CAPN5: variants seen among roughly 807,000 people sequenced by gnomAD.
CAPN5 encodes the protein calpain-5.
Under a neutral mutation model 73.0 loss-of-function variants are expected in CAPN5, and 54 were observed. That is an observed-to-expected ratio of 0.74 (90% CI 0.59 to 0.93). CAPN5 has a LOEUF of 0.93. Among genes scored for constraint, CAPN5 ranks in the 40% least tolerant of loss-of-function variants. The pLI is 0.00. For synonymous variants in CAPN5, 335 were observed against 356.9 expected, an observed-to-expected ratio of 0.94 and a Z score of 0.69; for missense variants, 785 against 882.9, an observed-to-expected ratio of 0.89 and a Z score of 1.41.
intron 3 of CAPN5, among the ~76,000 whole-genome samples, chr11:77,108,325 G>T (rs1335078071): frequency 6.6e-6 from 1 of 152,134 alleles, no homozygotes; most frequent in Non-Finnish European, 1.5e-5. Flanking sequence ...CCTGACTGTT[G>T]GGGGGGTGCT....
Position 77,093,816 on chromosome 11 carries a change from G to C in CAPN5, c.297+3G>C, listed in dbSNP as rs782631237. ...CCCGGGAGTCGCTGTGGCAAAAGGT[G>C]AGGCCTCGGGCAGAGTGGGCAGGGT... is the stretch of plus-strand genomic sequence containing the variant. On this transcript the variant is annotated splice_donor_region_variant and intron_variant, in intron 3 of 12. Transcript: ENST00000648180. 1 of 1,608,900 alleles carries C rather than the reference G, an allele frequency of 6.2e-7. No homozygotes were observed. The highest frequency in any genetic ancestry group is 1.3e-5 in the African/African-American group (1 of 74,942).
chr11:77,070,580 C>T lies in CAPN5; in HGVS notation c.-36+3486C>T, dbSNP rs567228689. On this transcript the variant is annotated intron_variant, in intron 1 of 12. Coordinates refer to ENST00000648180, the MANE Select transcript of CAPN5 (RefSeq NM_004055.5). The stretch of plus-strand genomic sequence containing the variant: ...CCGGGCAGGAGAGGCGGGTGGGACC[C>T]CATGACACCCCGGCTCCCATTAGCT... 2.6e-5 allele frequency among the ~76,000 whole-genome samples: 4 copies of T among 152,336 alleles called. No homozygotes were observed. The South Asian group carries it at 8.3e-4, about 32-fold the overall frequency.
rs575865829 is a variant in CAPN5, at chr11:77,084,588, C to T, written c.-35-264C>T. Among the ~76,000 whole-genome samples the T allele has an allele frequency of 6.6e-5, 10 of 152,186 alleles. No homozygotes were observed. In the East Asian group the frequency reaches 9.7e-4, roughly 15 times the overall value. On this transcript the variant is annotated intron_variant, in intron 1 of 12. Coordinates refer to ENST00000648180, the MANE Select transcript of CAPN5 (RefSeq NM_004055.5). ...ACAAAGGAAGGCAGGGAGGTAGGTG[C>T]GGTGTGGGCCAGGCCTGAGCTCTGT...
chr11:77,102,135 G>A (rs1185522855), intron 3 of CAPN5, among the ~76,000 whole-genome samples: 1 of 152,186 alleles, frequency 6.6e-6, no homozygotes, highest in Non-Finnish European at 1.5e-5. Flanking sequence ...CAATCTGTGT[G>A]TTAAGTCCTG....
intron 1 of CAPN5, among the ~76,000 whole-genome samples, chr11:77,084,478 C>T (rs1289159745): frequency 6.6e-6 from 1 of 152,206 alleles, no homozygotes; most frequent in Non-Finnish European, 1.5e-5. Flanking sequence ...CGCTGCTTTC[C>T]TGTGGGAGAC....
At chr11:77,112,878 C>A in intron 4 of CAPN5, 81 bp downstream of exon 4, 2 of 1,348,378 alleles carry the variant, frequency 1.5e-6, no homozygotes, top group Non-Finnish European at 2.1e-6. Flanking sequence ...ATTCCGTTAG[C>A]CAGGGCTTTA....
intron 2 of CAPN5, among the ~76,000 whole-genome samples, chr11:77,088,690 A>G (rs1276660606): frequency 2.0e-5 from 3 of 152,140 alleles, no homozygotes; most frequent in African/African-American, 7.2e-5. Flanking sequence ...AGCTGGATGG[A>G]CAAAGAGTGG....
intron 1 of CAPN5, among the ~76,000 whole-genome samples, chr11:77,080,441 G>A (rs1464526746): frequency 6.6e-6 from 1 of 152,182 alleles, no homozygotes; most frequent in African/African-American, 2.4e-5. Context: ...GGCTCAGAGA[G>A]GTAGGTGACT....
intron 3 of CAPN5, among the ~76,000 whole-genome samples, chr11:77,108,750 C>T (rs1228702958): frequency 2.0e-5 from 3 of 151,100 alleles, no homozygotes; most frequent in Non-Finnish European, 4.4e-5. Flanking sequence ...AAAAAAAAAC[C>T]ATAATACCAA....
chr11:77,074,280 G>T (rs1287604919), intron 1 of CAPN5, among the ~76,000 whole-genome samples: 1 of 151,834 alleles, frequency 6.6e-6, no homozygotes. Flanking sequence ...CTTGCCCCTG[G>T]CTCCCCTGTG....
chr11:77,067,263 G>A (rs1207143445), intron 1 of CAPN5, among the ~76,000 whole-genome samples, 169 bp downstream of exon 1: 1 of 151,816 alleles, frequency 6.6e-6, no homozygotes, highest in African/African-American at 2.4e-5. Context: ...GCGCTGGCTG[G>A]GGGGCGGGGT....
intron 2 of CAPN5, chr11:77,087,923 A>G: frequency 6.5e-7 from 1 of 1,535,786 alleles, no homozygotes; most frequent in South Asian, 1.2e-5. Context: ...CAGGCTCGCT[A>G]TGTTTTTGTT....
At chr11:77,089,152 G>C (rs782812098) in intron 2 of CAPN5, among the ~76,000 whole-genome samples, 2 of 152,200 alleles carry the variant, frequency 1.3e-5, no homozygotes, top group Non-Finnish European at 2.9e-5. Context: ...AGGAAACCTA[G>C]AGAGTGTGGA....
At chr11:77,123,663 C>T (rs1555043296) in intron 12 of CAPN5, 25 bp from the exon 13 acceptor site, 1 of 1,602,020 alleles carries the variant, frequency 6.2e-7, no homozygotes, top group Admixed American at 1.7e-5. Context: ...GCCCGCCCCT[C>T]CCATGATCCT....
In CAPN5 at chr11:77,097,019, A is replaced by G. The variant is rs372379134; in HGVS notation, c.297+3206A>G. 1.6e-4 allele frequency among the ~76,000 whole-genome samples: 24 copies of G among 152,234 alleles called. No individual in the cohort carries two copies. The South Asian group carries it at 4.4e-3, about 28-fold the overall frequency. ...GGGCGGATCACGAGGTCAGGAGATC[A>G]AGACCACCCTGGCTAACATGGTGAA... is the stretch of plus-strand genomic sequence containing the variant. On this transcript the variant is annotated intron_variant, in intron 3 of 12. Coordinates refer to ENST00000648180, the MANE Select transcript of CAPN5 (RefSeq NM_004055.5).
intron 3 of CAPN5, chr11:77,103,180 C>T: frequency 6.2e-7 from 1 of 1,613,810 alleles, no homozygotes. Flanking sequence ...GACTCGGATG[C>T]CATAGATTGG....
chr11:77,100,237 C>T (rs774385172), intron 3 of CAPN5, among the ~76,000 whole-genome samples: 3 of 152,176 alleles, frequency 2.0e-5, no homozygotes, highest in Non-Finnish European at 2.9e-5. Flanking sequence ...TGGGTGGGTC[C>T]TCCCAAGGTG....
At chr11:77,103,441 T>C (rs1950310335) in intron 3 of CAPN5, 3 of 1,372,664 alleles carry the variant, frequency 2.2e-6, no homozygotes, top group Non-Finnish European at 3.0e-6. Flanking sequence ...CAGCCTGTCC[T>C]CTGCTTGCCC....
At chr11:77,073,993 G>C (rs182952472) in intron 1 of CAPN5, among the ~76,000 whole-genome samples, 1 of 152,318 alleles carries the variant, frequency 6.6e-6, no homozygotes, top group East Asian at 1.9e-4. Context: ...GTGCGTCAGA[G>C]AGACAGGGGC....
Sources: gnomAD v4.1 joint callset for allele counts (sites outside exome capture counted in the v4.1 genomes callset) on GRCh38, gnomAD v4.1.1 for gene constraint, MANE v1.5 for transcripts, NCBI Gene and HGNC (gene_info 2026-07-23, HGNC 2026-07-21) for gene names.